The following PCSK5 variants were observed in gnomAD, a reference collection of about 807,000 sequenced individuals.
The protein encoded by PCSK5 is proprotein convertase subtilisin/kexin type 5.
In PCSK5, 129 loss-of-function variants were observed where a neutral mutation model predicts 233.2. That is an observed-to-expected ratio of 0.55 (90% CI 0.48 to 0.64). The LOEUF (loss-of-function observed/expected upper bound fraction) is 0.64. Ranked by LOEUF, PCSK5 falls within the 30% of genes least tolerant of loss-of-function variation. PCSK5 has a pLI of 0.00. For missense variants in PCSK5, 2,076 were observed against 2,430.1 expected, an observed-to-expected ratio of 0.85 and a Z score of 3.06; for synonymous variants, 825 against 879.2, an observed-to-expected ratio of 0.94 and a Z score of 1.09.
chr9:76,126,181 A>ATGTGTGTGTGTGTGTG (rs71499131), intron 9 of PCSK5, among the ~76,000 whole-genome samples: 396 of 150,548 alleles, frequency 2.6e-3, no homozygotes, highest in African/African-American at 6.4e-3. Context: ...GTGTGTGTGT[A>ATGTGTGTGTGTGTGTG]TGTGTGTGTG....
chr9:76,064,965 G>A (rs900785232), intron 5 of PCSK5, among the ~76,000 whole-genome samples: 3 of 152,234 alleles, frequency 2.0e-5, no homozygotes, highest in Admixed American at 6.5e-5. Flanking sequence ...GGGATTACAG[G>A]CATGGGCCAC....
chr9:76,355,983 C>A (rs184101377), intron 37 of PCSK5, among the ~76,000 whole-genome samples: 92 of 152,254 alleles, frequency 6.0e-4, no homozygotes, highest in African/African-American at 2.1e-3. Flanking sequence ...AGATTATAGG[C>A]GTGAGCTACC....
intron 3 of PCSK5, among the ~76,000 whole-genome samples, chr9:75,995,846 C>T (rs1436627153): frequency 6.6e-6 from 1 of 151,586 alleles, no homozygotes; most frequent in African/African-American, 2.4e-5. Flanking sequence ...AAAAAGTCAA[C>T]AATATTTCAT....
At chr9:76,037,247 C>T (rs185156086) in intron 5 of PCSK5, among the ~76,000 whole-genome samples, 18 of 152,164 alleles carry the variant, frequency 1.2e-4, no homozygotes, top group Admixed American at 5.2e-4. Context: ...AAAAGCCAAA[C>T]AAAGGAAAGG....
At chr9:76,197,997 T>C (rs1412558216) in intron 20 of PCSK5, among the ~76,000 whole-genome samples, 2 of 152,268 alleles carry the variant, frequency 1.3e-5, no homozygotes, top group Non-Finnish European at 2.9e-5. Flanking sequence ...GAAATGGGGC[T>C]AATCTGTATA....
intron 1 of PCSK5, among the ~76,000 whole-genome samples, chr9:75,893,494 G>C (rs776715939): frequency 2.6e-5 from 4 of 152,106 alleles, no homozygotes; most frequent in Non-Finnish European, 4.4e-5. Flanking sequence ...TAGTTCAAAC[G>C]CACCTAGCTT....
chr9:76,058,525 A>G (rs1196858843), intron 5 of PCSK5, among the ~76,000 whole-genome samples: 1 of 152,204 alleles, frequency 6.6e-6, no homozygotes, highest in Non-Finnish European at 1.5e-5. Flanking sequence ...TGTAATTCCT[A>G]TTACCCGTAC....
chr9:76,122,184 T>A (rs1170313040), intron 9 of PCSK5, among the ~76,000 whole-genome samples: 1 of 152,146 alleles, frequency 6.6e-6, no homozygotes, highest in Non-Finnish European at 1.5e-5. Context: ...ATTTTCTTGG[T>A]TAAATTTTTT....
At chr9:76,051,625 T>C (rs912838837) in intron 5 of PCSK5, among the ~76,000 whole-genome samples, 3 of 151,746 alleles carry the variant, frequency 2.0e-5, no homozygotes, top group African/African-American at 7.3e-5. Flanking sequence ...ACAACAGGCA[T>C]CACATTGACC....
rs574932817 is a variant in PCSK5 at position 76,321,140 on chromosome 9, G to A, written c.3885-282G>A. ...GTTAGCTATCTTTTTAAGGAATAGCGTGGGAGGCAGGTTTACCCTAAGCAG... is the reference window on the plus strand; with the variant it reads ...GTTAGCTATCTTTTTAAGGAATAGCATGGGAGGCAGGTTTACCCTAAGCAG... On this transcript the variant is annotated intron_variant, in intron 30 of 37. Coordinates refer to ENST00000674117, the MANE Select transcript of PCSK5 (RefSeq NM_001372043.1). Among the ~76,000 whole-genome samples, 140 of 152,168 alleles carry A rather than the reference G, an allele frequency of 9.2e-4. 1 individual carries two copies. The highest frequency in any genetic ancestry group is 3.2e-3 in the African/African-American group (134 of 41,530).
At chr9:75,907,503 A>G (rs1826311066) in intron 1 of PCSK5, among the ~76,000 whole-genome samples, 1 of 152,168 alleles carries the variant, frequency 6.6e-6, no homozygotes, top group East Asian at 1.9e-4. Flanking sequence ...CCTAGCCCTT[A>G]TCTTTTAGTG....
At chr9:75,956,169 T>C (rs953344057) in intron 2 of PCSK5, among the ~76,000 whole-genome samples, 6 of 152,246 alleles carry the variant, frequency 3.9e-5, no homozygotes, top group Admixed American at 6.5e-5. Flanking sequence ...TCTATTGGAA[T>C]TGCCCTGTTT....
chr9:76,309,919 G>T (rs1403240687), intron 29 of PCSK5, among the ~76,000 whole-genome samples: 1 of 152,070 alleles, frequency 6.6e-6, no homozygotes, highest in Non-Finnish European at 1.5e-5. Flanking sequence ...GTTGTTTTTC[G>T]ATTGAAAAAT....
intron 24 of PCSK5, among the ~76,000 whole-genome samples, chr9:76,269,006 A>C (rs561115258): frequency 5.9e-5 from 9 of 152,200 alleles, no homozygotes; most frequent in Non-Finnish European, 1.3e-4. Context: ...AAATTTGGAA[A>C]GGGGTGAAAT....
intron 3 of PCSK5, among the ~76,000 whole-genome samples, chr9:76,014,522 A>G (rs1225619905): frequency 2.0e-5 from 3 of 152,206 alleles, no homozygotes; most frequent in Admixed American, 6.5e-5. Flanking sequence ...ATTCAAGTTC[A>G]GCTATATACC....
At chr9:75,961,190 G>A (rs533582400) in intron 2 of PCSK5, among the ~76,000 whole-genome samples, 29 of 152,312 alleles carry the variant, frequency 1.9e-4, no homozygotes, top group Middle Eastern at 6.8e-3. Context: ...TGCCTCTTAT[G>A]TAGCTTCACC....
At chr9:76,186,157 A>T (rs1414620276) in intron 17 of PCSK5, among the ~76,000 whole-genome samples, 3 of 152,218 alleles carry the variant, frequency 2.0e-5, no homozygotes, top group Non-Finnish European at 4.4e-5. Context: ...AACTTATCAG[A>T]TGTCTTTCAT....
Position 76,240,672 on chromosome 9 carries a change from G to C in PCSK5, c.3130G>C (p.Gly1044Arg). ...ECVPCEEGCL[G>R]CSLDDPGTCT... ...TGTCCCTTGTGAAGAAGGATGTCTG[G>C]GATGCAGCTTGGGTATGTCCTCTTC... Residue 1044 changes from glycine to arginine, a missense_variant, in exon 24 of 38, where the codon GGA becomes CGA. Gly to Arg is a moderately radical substitution (Grantham distance 125). Transcript: ENST00000674117. 1.3e-6 allele frequency: 2 copies of C among 1,581,090 alleles called. No individual in the cohort carries two copies. The highest frequency in any genetic ancestry group is 1.7e-6 in the Non-Finnish European group (2 of 1,161,768).
At chr9:75,936,781 C>CTTGGCT (rs1177063508) in intron 2 of PCSK5, among the ~76,000 whole-genome samples, 2 of 152,186 alleles carry the variant, frequency 1.3e-5, no homozygotes, top group Non-Finnish European at 2.9e-5. Flanking sequence ...CAAGAACATT[C>CTTGGCT]TTAATAGCAT....
Sources: allele counts gnomAD v4.1 joint callset (sites outside exome capture counted in the v4.1 genomes callset), GRCh38; gene constraint gnomAD v4.1.1; transcripts MANE v1.5; gene names NCBI Gene and HGNC (gene_info 2026-07-23, HGNC 2026-07-21).